ST6GAL2: variants seen among roughly 807,000 people sequenced by gnomAD.
ST6GAL2 encodes the protein beta-galactoside alpha-2,6-sialyltransferase 2.
In ST6GAL2, 24 loss-of-function variants were observed where a neutral mutation model predicts 37.5. The observed-to-expected ratio is 0.64, with a 90% CI of 0.46 to 0.90. The LOEUF (loss-of-function observed/expected upper bound fraction) is 0.90, where lower values mean the gene tolerates loss of function less well. Ranked by LOEUF, ST6GAL2 falls within the 40% of genes least tolerant of loss-of-function variation. ST6GAL2 has a pLI of 0.00. For synonymous variants in ST6GAL2, 306 were observed against 295.1 expected (o/e 1.04, Z -0.38); for missense variants, 715 against 712.7 (o/e 1.00, Z -0.04).
upstream of ST6GAL2, chr2:106,886,193 T>C (rs1426762177): frequency 6.6e-6 from 1 of 152,160 alleles, no homozygotes; most frequent in African/African-American, 2.4e-5. Context: ...CGTGTCACAT[T>C]TTATTCCCCG....
At chr2:106,848,621 A>C (rs371761437) in intron 1 of ST6GAL2, among the ~76,000 whole-genome samples, 1 of 152,242 alleles carries the variant, frequency 6.6e-6, no homozygotes, top group East Asian at 1.9e-4. Flanking sequence ...CCCACACCAG[A>C]TAATCTAATA....
At chr2:106,868,027 G>T in intron 1 of ST6GAL2, among the ~76,000 whole-genome samples, 1 of 152,262 alleles carries the variant, frequency 6.6e-6, no homozygotes, top group East Asian at 1.9e-4. Context: ...TGCCACTTAC[G>T]CTGCTTAAGA....
intron 1 of ST6GAL2, among the ~76,000 whole-genome samples, chr2:106,845,999 G>A (rs1242723537): frequency 3.3e-5 from 5 of 151,620 alleles, no homozygotes; most frequent in South Asian, 2.1e-4. Context: ...GAAAGTCCAC[G>A]TGGAATGAGA....
At chr2:106,875,039 CAATAT>C (rs1678441743) in intron 1 of ST6GAL2, among the ~76,000 whole-genome samples, 2 of 152,312 alleles carry the variant, frequency 1.3e-5, no homozygotes, top group South Asian at 4.1e-4. Context: ...TGAATTTATA[CAATAT>C]AATATGAGTA....
chr2:106,882,869 A>G (rs1419504765), intron 1 of ST6GAL2, among the ~76,000 whole-genome samples: 1 of 152,212 alleles, frequency 6.6e-6, no homozygotes, highest in Non-Finnish European at 1.5e-5. Context: ...ATGGCACAGA[A>G]CAGTTCCGTC....
intron 1 of ST6GAL2, among the ~76,000 whole-genome samples, chr2:106,872,768 A>G (rs1678328838): frequency 6.6e-6 from 1 of 151,480 alleles, no homozygotes; most frequent in Non-Finnish European, 1.5e-5. Context: ...CACCCAGCTG[A>G]TTTTTTGTAT....
intron 1 of ST6GAL2, among the ~76,000 whole-genome samples, chr2:106,856,825 T>C (rs752179449): frequency 6.6e-6 from 1 of 152,212 alleles, no homozygotes; most frequent in Non-Finnish European, 1.5e-5. Context: ...AAAAAATGCA[T>C]TGGCAAGAAC....
intron 1 of ST6GAL2, among the ~76,000 whole-genome samples, chr2:106,869,366 C>T (rs1678166474): frequency 1.3e-5 from 2 of 152,184 alleles, no homozygotes; most frequent in South Asian, 4.1e-4. Context: ...GCTACTCTGT[C>T]AATTTTCTGC....
At chr2:106,876,619 G>A in intron 1 of ST6GAL2, among the ~76,000 whole-genome samples, 1 of 152,134 alleles carries the variant, frequency 6.6e-6, no homozygotes, top group East Asian at 1.9e-4. Flanking sequence ...ACCAGAAGAG[G>A]GCATCAGGAG....
intron 1 of ST6GAL2, among the ~76,000 whole-genome samples, chr2:106,869,164 A>G (rs1678157865): frequency 6.6e-6 from 1 of 152,102 alleles, no homozygotes; most frequent in Non-Finnish European, 1.5e-5. Flanking sequence ...TTCCACAAGT[A>G]CAAGACAGAT....
rs1005367942 is a variant in ST6GAL2, at chr2:106,806,011, T to C, written c.*667A>G. ...GCCTCCTCTGTGGTGCTATATGGAA[T>C]TTGGCTTTTTCTTGGACCTTTCAAG... On this transcript the variant is annotated 3_prime_UTR_variant, in exon 6 of 6. Transcript: ENST00000409382. The C allele has an allele frequency of 7.2e-5, 11 of 152,386 alleles. No homozygotes were observed. Among genetic ancestry groups the C allele is most frequent in the African/African-American group, 2.7e-4 (11 of 41,454 alleles). 9.4% of individuals were successfully genotyped at this position (152,386 alleles called of 1,614,324 possible). A position where few individuals can be genotyped will look rare whatever the true frequency, so the allele number is the denominator to read the frequency against.
chr2:106,845,893 T>C (rs1244038380), intron 1 of ST6GAL2, among the ~76,000 whole-genome samples: 2 of 152,160 alleles, frequency 1.3e-5, no homozygotes, highest in African/African-American at 4.8e-5. Flanking sequence ...TTTTCCACTT[T>C]CTGCCTCTCA....
At chr2:106,887,141 C>G (rs887402210), upstream of ST6GAL2, 3 of 152,378 alleles carry the variant, frequency 2.0e-5, no homozygotes, top group South Asian at 2.1e-4. Context: ...AACACCTCCC[C>G]CCGCCAGCGC....
intron 5 of ST6GAL2, among the ~76,000 whole-genome samples, chr2:106,808,884 G>A (rs1675513931): frequency 6.6e-6 from 1 of 152,202 alleles, no homozygotes; most frequent in Non-Finnish European, 1.5e-5. Flanking sequence ...GCATGTGCCT[G>A]TAATCTTAGC....
In ST6GAL2 at chr2:106,813,867, G is replaced by A. The variant is rs1427956653; in HGVS notation, c.1319-6918C>T. 3.9e-5 allele frequency among the ~76,000 whole-genome samples: 6 copies of A among 152,190 alleles called. No individual in the cohort carries two copies. In the East Asian group the frequency reaches 7.7e-4, roughly 20 times the overall value. ...AACACTGCAGAACACTTTTCCGAAT[G>A]AGGGGTGAGGGTGAAAGGCTAAGTG... is the stretch of plus-strand genomic sequence containing the variant. On this transcript the variant is annotated intron_variant, in intron 5 of 5. Transcript: ENST00000409382.
intron 1 of ST6GAL2, among the ~76,000 whole-genome samples, chr2:106,861,115 C>T (rs890242745): frequency 1.7e-4 from 26 of 152,100 alleles, no homozygotes; most frequent in African/African-American, 6.3e-4. Flanking sequence ...AGACTATGAA[C>T]ATAAAACTAA....
chr2:106,860,397 A>ACTT (rs1677749427), intron 1 of ST6GAL2, among the ~76,000 whole-genome samples: 1 of 152,170 alleles, frequency 6.6e-6, no homozygotes, highest in African/African-American at 2.4e-5. Flanking sequence ...GAGACAAAAG[A>ACTT]CTTAGGGCAT....
At chr2:106,828,094 ATTTCT>A (rs2104459485) in intron 5 of ST6GAL2, among the ~76,000 whole-genome samples, 1 of 152,318 alleles carries the variant, frequency 6.6e-6, no homozygotes, top group South Asian at 2.1e-4. Flanking sequence ...ATATGGCATG[ATTTCT>A]TTTAACAAAA....
In ST6GAL2 at chr2:106,834,157, A is replaced by G. The variant is rs752102077; in HGVS notation, c.944-11T>C. 1.9e-6 allele frequency: 3 copies of G among 1,593,750 alleles called. No individual in the cohort carries two copies. The highest frequency in any genetic ancestry group is 2.2e-5 in the South Asian group (2 of 90,294). On this transcript the variant is annotated splice_polypyrimidine_tract_variant and intron_variant, in intron 2 of 5. Coordinates refer to ENST00000409382, the MANE Select transcript of ST6GAL2 (RefSeq NM_001142351.2). ...CCGCATCATGAGAATCTAAGGGCAC[A>G]TAAGTGACAAGCTTACTTTTGTTCT...
Sources: gnomAD v4.1 joint callset for allele counts (sites outside exome capture counted in the v4.1 genomes callset) on GRCh38, gnomAD v4.1.1 for gene constraint, MANE v1.5 for transcripts, NCBI Gene and HGNC (gene_info 2026-07-23, HGNC 2026-07-21) for gene names.